NFIB: variants seen among roughly 807,000 people sequenced by gnomAD.
NFIB encodes nuclear factor 1 B-type.
NFIB carries 11 observed loss-of-function variants against 61.5 expected under a neutral mutation model. The ratio of observed to expected loss-of-function variants is 0.18; its 90% CI spans 0.11 to 0.30. The LOEUF (loss-of-function observed/expected upper bound fraction) is 0.30. Among genes scored for constraint, NFIB ranks in the 10% least tolerant of loss-of-function variants. NFIB has a pLI of 1.00. For synonymous variants in NFIB, 260 were observed against 216.5 expected (o/e 1.20, Z -1.76); for missense variants, 471 against 608.9 (o/e 0.77, Z 2.38).
chr9:14,306,640 T>C (rs191042490), intron 2 of NFIB, among the ~76,000 whole-genome samples: 1 of 152,310 alleles, frequency 6.6e-6, no homozygotes, highest in Admixed American at 6.5e-5. Context: ...ATTACTAGAT[T>C]AGATGCAAAA....
At chr9:14,482,110 C>A in the NFIB span, among the ~76,000 whole-genome samples, 1 of 134,426 alleles carries the variant, frequency 7.4e-6, no homozygotes, top group Non-Finnish European at 1.5e-5. Context: ...TCCTGAAATG[C>A]CATGTTCTAG....
chr9:14,137,071 C>G (rs1474439525), intron 6 of NFIB, among the ~76,000 whole-genome samples: 2 of 152,028 alleles, frequency 1.3e-5, no homozygotes, highest in African/African-American at 4.8e-5. Flanking sequence ...AGTAATGGAC[C>G]AATTACATTT....
chr9:14,466,255 A>G, the NFIB span, among the ~76,000 whole-genome samples: 1 of 152,224 alleles, frequency 6.6e-6, no homozygotes, highest in Admixed American at 6.5e-5. Context: ...ATTATTCATT[A>G]CTATTTGTCA....
At chr9:14,418,121 T>G in the NFIB span, among the ~76,000 whole-genome samples, 1 of 152,178 alleles carries the variant, frequency 6.6e-6, no homozygotes, top group African/African-American at 2.4e-5. Flanking sequence ...GAAGTGTTAA[T>G]GTACTCATTA....
intron 2 of NFIB, among the ~76,000 whole-genome samples, chr9:14,241,736 A>T (rs2132043993): frequency 6.6e-6 from 1 of 152,084 alleles, no homozygotes; most frequent in Middle Eastern, 3.4e-3. Context: ...ACCAGATGTT[A>T]AAAAAAAGCA....
At chr9:14,357,063 G>C (rs1366339982) in intron 1 of NFIB, 1 of 152,158 alleles carries the variant, frequency 6.6e-6, no homozygotes, top group African/African-American at 2.4e-5. Context: ...TCCCTCAGGG[G>C]AATGAGTGAA....
At chr9:14,259,460 CTACT>C (rs2056538368) in intron 2 of NFIB, among the ~76,000 whole-genome samples, 1 of 152,174 alleles carries the variant, frequency 6.6e-6, no homozygotes, top group Non-Finnish European at 1.5e-5. Context: ...ACTGTGGATT[CTACT>C]TGAGCAAAAG....
intron 1 of NFIB, among the ~76,000 whole-genome samples, chr9:14,347,931 C>G (rs973016235): frequency 5.9e-5 from 9 of 152,172 alleles, no homozygotes; most frequent in Non-Finnish European, 8.8e-5. Context: ...CGCGTAGTTT[C>G]GCGTCGCACG....
At chr9:14,403,917 C>T (rs559868560), upstream of NFIB, among the ~76,000 whole-genome samples, 3 of 152,216 alleles carry the variant, frequency 2.0e-5, no homozygotes, top group South Asian at 6.2e-4. Context: ...AAAGAAGCAC[C>T]TCAAAGAGAT....
intron 1 of NFIB, among the ~76,000 whole-genome samples, chr9:14,348,086 C>T (rs898244116): frequency 2.0e-5 from 3 of 152,190 alleles, no homozygotes; most frequent in African/African-American, 4.8e-5. Context: ...AGTCGCCCAA[C>T]CCAAGTTCTC....
intron 1 of NFIB, among the ~76,000 whole-genome samples, chr9:14,379,906 C>G (rs1276690501): frequency 1.3e-5 from 2 of 152,048 alleles, no homozygotes; most frequent in Non-Finnish European, 2.9e-5. Flanking sequence ...TGGTCTCGAA[C>G]TCCTGACCTC....
chr9:14,382,563 AT>A (rs1269763492), intron 1 of NFIB, among the ~76,000 whole-genome samples: 1 of 152,064 alleles, frequency 6.6e-6, no homozygotes, highest in Non-Finnish European at 1.5e-5. Context: ...TGGAACTACC[AT>A]TTTGGAAAAT....
intron 3 of NFIB, among the ~76,000 whole-genome samples, chr9:14,174,090 T>C (rs2045877212): frequency 6.6e-6 from 1 of 152,134 alleles, no homozygotes; most frequent in South Asian, 2.1e-4. Flanking sequence ...TATTCTAAAT[T>C]TGAACATTTA....
At chr9:14,183,139 G>A (rs1311472072) in intron 2 of NFIB, among the ~76,000 whole-genome samples, 1 of 152,130 alleles carries the variant, frequency 6.6e-6, no homozygotes, top group African/African-American at 2.4e-5. Flanking sequence ...CCCAACACAC[G>A]CATCTGAAAA....
upstream of NFIB, chr9:14,317,055 C>A (rs2060560207): frequency 6.6e-6 from 1 of 152,106 alleles, no homozygotes; most frequent in Non-Finnish European, 1.5e-5. Flanking sequence ...AATCCTGGCA[C>A]CCAGAGAGCA....
intron 8 of NFIB, among the ~76,000 whole-genome samples, chr9:14,116,978 A>G (rs1040181652): frequency 3.6e-4 from 55 of 152,366 alleles, no homozygotes; most frequent in African/African-American, 1.3e-3. Flanking sequence ...TCAACTTTTG[A>G]TGATTTACTA....
At chr9:14,413,317 C>A in the NFIB span, among the ~76,000 whole-genome samples, 1 of 152,092 alleles carries the variant, frequency 6.6e-6, no homozygotes, top group South Asian at 2.1e-4. Context: ...TCTGCACACT[C>A]CACAATGAGG....
Position 14,237,876 on chromosome 9 carries a change from T to TGTGTGC in NFIB, c.563-58097_563-58096insGCACAC, listed in dbSNP as rs1554683503. Among the ~76,000 whole-genome samples, 3 of 149,302 alleles carry TGTGTGC rather than the reference T, an allele frequency of 2.0e-5. 1 individual carries two copies. The highest frequency in any genetic ancestry group is 4.5e-5 in the Non-Finnish European group (3 of 66,972). On this transcript the variant is annotated intron_variant, in intron 2 of 10. Transcript: ENST00000380953. ...GTGTGTGTGTGTGTGTGTGTGTGTG[T>TGTGTGC]GTGTGTGTGTGTGTATTCTACCATA...
the NFIB span, among the ~76,000 whole-genome samples, chr9:14,506,172 G>A: frequency 6.6e-6 from 1 of 152,140 alleles, no homozygotes; most frequent in African/African-American, 2.4e-5. Flanking sequence ...TACAAAGTAT[G>A]AATACACCCA....
Sources: gnomAD v4.1 joint callset for allele counts (sites outside exome capture counted in the v4.1 genomes callset) on GRCh38, gnomAD v4.1.1 for gene constraint, MANE v1.5 for transcripts, NCBI Gene and HGNC (gene_info 2026-07-23, HGNC 2026-07-21) for gene names.